The following AOPEP variants were observed in gnomAD, a reference collection of about 807,000 sequenced individuals.
The protein encoded by AOPEP is aminopeptidase O (putative).
Under a neutral mutation model 98.1 loss-of-function variants are expected in AOPEP, and 77 were observed. The observed-to-expected ratio is 0.78, with a 90% CI of 0.65 to 0.95. The LOEUF (loss-of-function observed/expected upper bound fraction) is 0.95, where lower values mean the gene tolerates loss of function less well. AOPEP is among the 40% of genes least tolerant of loss of function. AOPEP has a pLI of 0.00. For synonymous variants in AOPEP, 346 were observed against 365.3 expected (o/e 0.95, Z 0.60); for missense variants, 1,024 against 1,024.7 (o/e 1.00, Z 0.01).
chr9:95,090,325 C>A (rs1038428645), downstream of AOPEP, among the ~76,000 whole-genome samples: 2 of 152,268 alleles, frequency 1.3e-5, no homozygotes, highest in Non-Finnish European at 2.9e-5. Context: ...GTCCTTCCCC[C>A]TGAGGCCGCA....
chr9:95,123,909 G>A, the AOPEP span: 1 of 434,756 alleles, frequency 2.3e-6, no homozygotes, highest in East Asian at 5.0e-5. Flanking sequence ...CTATTCTCTT[G>A]AGAAAAATAA....
intron 2 of AOPEP, among the ~76,000 whole-genome samples, chr9:94,764,571 C>A (rs112045297): frequency 0.089 from 13,498 of 152,188 alleles, 719 homozygotes; most frequent in African/African-American, 0.13. Context: ...TCACTTGAGC[C>A]CAGAAGGTCA....
intron 3 of AOPEP, among the ~76,000 whole-genome samples, chr9:94,775,493 A>C (rs1329735327): frequency 6.6e-6 from 1 of 151,392 alleles, no homozygotes; most frequent in Admixed American, 6.6e-5. Flanking sequence ...CGGCCTCCCC[A>C]GTAGCTGGGA....
At chr9:95,081,011 A>C in intron 15 of AOPEP, 1 of 530,612 alleles carries the variant, frequency 1.9e-6, no homozygotes, top group Non-Finnish European at 3.4e-6. Flanking sequence ...TGTGGCCCAC[A>C]CGTCATCCGA....
intron 1 of AOPEP, among the ~76,000 whole-genome samples, chr9:94,730,135 T>C (rs1830169028): frequency 6.6e-6 from 1 of 151,972 alleles, no homozygotes. Context: ...ATACAAAAAA[T>C]TAGCTGGGCG....
chr9:94,779,792 C>G (rs568097506), intron 3 of AOPEP, among the ~76,000 whole-genome samples: 2 of 152,176 alleles, frequency 1.3e-5, no homozygotes, highest in Admixed American at 1.3e-4. Context: ...AGACTGAACA[C>G]CTGTTCTACC....
chr9:95,146,739 G>A, the AOPEP span, among the ~76,000 whole-genome samples: 11 of 151,854 alleles, frequency 7.2e-5, no homozygotes, highest in African/African-American at 2.4e-4. Context: ...AGAGCCACTC[G>A]TAACTTGGAG....
chr9:94,841,462 A>G (rs1049618442), intron 5 of AOPEP, among the ~76,000 whole-genome samples: 8 of 152,070 alleles, frequency 5.3e-5, no homozygotes, highest in Non-Finnish European at 1.2e-4. Context: ...ATGTGAGCCA[A>G]CGTGCCTGGC....
intron 3 of AOPEP, among the ~76,000 whole-genome samples, chr9:94,789,695 C>T (rs936893398): frequency 3.3e-5 from 5 of 152,120 alleles, no homozygotes; most frequent in African/African-American, 1.2e-4. Flanking sequence ...ATGTCATATC[C>T]ATGTCATTCT....
chr9:95,085,451 C>T (rs2070522536), intron 16 of AOPEP: 2 of 533,182 alleles, frequency 3.8e-6, no homozygotes, highest in Non-Finnish European at 7.7e-6. Context: ...GATGACCTCT[C>T]TAACAAGGTG....
At chr9:95,043,249 G>T (rs199667132) in intron 13 of AOPEP, among the ~76,000 whole-genome samples, 37 of 28,588 alleles carry the variant, frequency 1.3e-3, no homozygotes, top group South Asian at 6.5e-3. Flanking sequence ...GATATATACA[G>T]ATATATATAT....
intron 1 of AOPEP, among the ~76,000 whole-genome samples, chr9:94,752,566 G>A (rs1564068268): frequency 6.6e-6 from 1 of 152,186 alleles, no homozygotes; most frequent in Non-Finnish European, 1.5e-5. Flanking sequence ...TCATTCAGTA[G>A]AGAGGATGTA....
chr9:95,129,966 C>G, the AOPEP span, among the ~76,000 whole-genome samples: 1 of 152,314 alleles, frequency 6.6e-6, no homozygotes, highest in African/African-American at 2.4e-5. Context: ...ATCTCCCCTC[C>G]ACCTAGAAAG....
At chr9:95,090,365 C>T (rs112256881), downstream of AOPEP, among the ~76,000 whole-genome samples, 10 of 152,240 alleles carry the variant, frequency 6.6e-5, no homozygotes, top group Admixed American at 3.3e-4. Context: ...CCGCAGGAGC[C>T]GGGCAGCCCA....
intron 2 of AOPEP, among the ~76,000 whole-genome samples, chr9:94,768,055 TA>T (rs1271307139): frequency 6.6e-6 from 1 of 152,158 alleles, no homozygotes; most frequent in African/African-American, 2.4e-5. Flanking sequence ...CGTGGAGTTA[TA>T]AAAAAGATTA....
chr9:95,022,065 C>G (rs889124468), intron 13 of AOPEP: 1 of 152,176 alleles, frequency 6.6e-6, no homozygotes, highest in Non-Finnish European at 1.5e-5. Context: ...AGAGAGTAGT[C>G]GCAAGTGATT....
chr9:94,889,572 C>T (rs1173842971), intron 5 of AOPEP, among the ~76,000 whole-genome samples: 1 of 152,110 alleles, frequency 6.6e-6, no homozygotes, highest in Non-Finnish European at 1.5e-5. Flanking sequence ...ACTGCAGCCT[C>T]GACCTCCTGG....
At chr9:94,803,597 A>C (rs1373247797) in intron 5 of AOPEP, among the ~76,000 whole-genome samples, 1 of 152,232 alleles carries the variant, frequency 6.6e-6, no homozygotes, top group African/African-American at 2.4e-5. Flanking sequence ...GATAATGACA[A>C]ATCAGTTTAT....
At chr9:94,824,489 T>A (rs1357580706) in intron 5 of AOPEP, 1 of 152,254 alleles carries the variant, frequency 6.6e-6, no homozygotes, top group Non-Finnish European at 1.5e-5. Flanking sequence ...AAATTTCTGT[T>A]CTTCTGATCA....
Sources: gnomAD v4.1 joint callset for allele counts (sites outside exome capture counted in the v4.1 genomes callset) on GRCh38, gnomAD v4.1.1 for gene constraint, MANE v1.5 for transcripts, NCBI Gene and HGNC (gene_info 2026-07-23, HGNC 2026-07-21) for gene names.